SUPT3H: variants seen among roughly 807,000 people sequenced by gnomAD.
SUPT3H encodes transcription initiation protein SPT3 homolog.
In SUPT3H, 44 loss-of-function variants were observed where a neutral mutation model predicts 44.3. The ratio of observed to expected loss-of-function variants is 0.99; its 90% CI spans 0.78 to 1.28. The LOEUF (loss-of-function observed/expected upper bound fraction) is 1.28, where lower values mean the gene tolerates loss of function less well. Among genes scored for constraint, SUPT3H ranks in the 50% most tolerant of loss-of-function variants. The pLI is 0.00. For missense variants in SUPT3H, 380 were observed against 387.1 expected (o/e 0.98, Z 0.15); for synonymous variants, 124 against 125.6 (o/e 0.99, Z 0.09).
chr6:45,332,955 A>G (rs535847971), intron 2 of SUPT3H, among the ~76,000 whole-genome samples: 55 of 151,812 alleles, frequency 3.6e-4, no homozygotes, highest in South Asian at 2.5e-3. Context: ...CTGAAGATAG[A>G]TAAAATTCTG....
intron 2 of SUPT3H, among the ~76,000 whole-genome samples, chr6:45,141,746 C>G (rs933791292): frequency 6.6e-6 from 1 of 152,052 alleles, no homozygotes; most frequent in African/African-American, 2.4e-5. Flanking sequence ...AAATTGCCAA[C>G]AAAAACAAGT....
intron 2 of SUPT3H, chr6:45,158,839 A>C (rs928215137): frequency 1.4e-4 from 22 of 152,178 alleles, no homozygotes; most frequent in African/African-American, 5.3e-4. Flanking sequence ...ACACTCCACT[A>C]CTACTAGTCA....
intron 10 of SUPT3H, among the ~76,000 whole-genome samples, chr6:44,902,653 T>A (rs1219368911): frequency 6.6e-6 from 1 of 152,072 alleles, no homozygotes; most frequent in Admixed American, 6.5e-5. Flanking sequence ...TATCCAGGAA[T>A]TGAACTCAGC....
chr6:45,353,054 T>C lies in SUPT3H; in HGVS notation c.101+12147A>G, dbSNP rs1206067320. On this transcript the variant is annotated intron_variant, in intron 2 of 10. Transcript: ENST00000371459. ...CTGAGAAGTTCTTCAGAGTCTCTAA[T>C]AGTACAGTAGTTAACCGGCCCACTC... Among the ~76,000 whole-genome samples the C allele has an allele frequency of 2.6e-5, 4 of 152,192 alleles. No homozygotes were observed. The East Asian group carries it at 7.7e-4, about 29-fold the overall frequency.
At chr6:45,128,853 T>C (rs1267191109) in intron 2 of SUPT3H, among the ~76,000 whole-genome samples, 1 of 151,826 alleles carries the variant, frequency 6.6e-6, no homozygotes, top group African/African-American at 2.4e-5. Context: ...ACCTGACTAA[T>C]TTTTGTATTT....
At chr6:45,201,769 T>C (rs968751692) in intron 2 of SUPT3H, among the ~76,000 whole-genome samples, 3 of 151,904 alleles carry the variant, frequency 2.0e-5, no homozygotes, top group African/African-American at 7.2e-5. Context: ...CAGATAGCTG[T>C]GGACCCCATT....
chr6:44,928,882 C>CAAAATA (rs1491206167), intron 10 of SUPT3H, among the ~76,000 whole-genome samples: 33 of 20,646 alleles, frequency 1.6e-3, no homozygotes, highest in Admixed American at 2.5e-3. Context: ...GACTCCGTCT[C>CAAAATA]AAAAAAAAAA....
intron 10 of SUPT3H, among the ~76,000 whole-genome samples, chr6:44,892,280 T>A (rs768353663): frequency 7.9e-5 from 12 of 152,058 alleles, no homozygotes; most frequent in Non-Finnish European, 1.5e-4. Context: ...ACAGGATTGG[T>A]GGCTTTATAA....
At position 44,932,667 on chromosome 6, in the gene SUPT3H, G is replaced by A; in HGVS notation, c.898C>T (p.Leu300Phe). 1 of 1,607,168 alleles carries A rather than the reference G, an allele frequency of 6.2e-7. No homozygotes were observed. The highest frequency in any genetic ancestry group is 8.5e-7 in the Non-Finnish European group (1 of 1,176,892). ...TTATTACGTACTGTGAATGGGGAAA[G>A]TGGGCCAATCCTGTGGCTGTAGCGT... The part of the protein sequence containing the change: ...IRRYSHRIGP[L>F]SPFTNAYRRN... Residue 300 changes from leucine (L) to phenylalanine (F), a missense_variant, in exon 10 of 11, where the codon CTT (leucine) becomes TTT (phenylalanine). By Grantham distance (22) the Leu-to-Phe change is conservative. Coordinates refer to ENST00000371459, the MANE Select transcript of SUPT3H (RefSeq NM_003599.4).
intron 2 of SUPT3H, among the ~76,000 whole-genome samples, chr6:45,216,419 C>T (rs1765069265): frequency 6.6e-6 from 1 of 152,062 alleles, no homozygotes; most frequent in Non-Finnish European, 1.5e-5. Context: ...AAACAATTAA[C>T]AAAATGATAA....
intron 2 of SUPT3H, among the ~76,000 whole-genome samples, chr6:45,127,458 T>C (rs552654487): frequency 1.3e-5 from 2 of 152,218 alleles, no homozygotes; most frequent in Admixed American, 1.3e-4. Context: ...TAGGTATTAT[T>C]ACCTCTTCTT....
At chr6:44,852,761 G>T (rs925197234) in intron 10 of SUPT3H, among the ~76,000 whole-genome samples, 14 of 152,064 alleles carry the variant, frequency 9.2e-5, no homozygotes, top group African/African-American at 1.4e-4. Flanking sequence ...GCATACAAAA[G>T]GTCTTGCTCT....
At chr6:45,305,373 G>A (rs762996851) in intron 2 of SUPT3H, among the ~76,000 whole-genome samples, 1 of 152,098 alleles carries the variant, frequency 6.6e-6, no homozygotes, top group African/African-American at 2.4e-5. Flanking sequence ...TAAAATGAAT[G>A]GTCGTGTTTT....
At chr6:44,904,031 C>T (rs960252916) in intron 10 of SUPT3H, among the ~76,000 whole-genome samples, 1 of 152,166 alleles carries the variant, frequency 6.6e-6, no homozygotes, top group Non-Finnish European at 1.5e-5. Flanking sequence ...GGATGCATCT[C>T]AAAATAATAA....
intron 10 of SUPT3H, among the ~76,000 whole-genome samples, chr6:44,865,867 T>C (rs1272448923): frequency 6.6e-6 from 1 of 152,122 alleles, no homozygotes; most frequent in Non-Finnish European, 1.5e-5. Context: ...GTAACAATAA[T>C]AGTCATCTGC....
intron 10 of SUPT3H, among the ~76,000 whole-genome samples, chr6:44,894,972 T>G (rs1763892909): frequency 6.6e-6 from 1 of 151,938 alleles, no homozygotes; most frequent in Non-Finnish European, 1.5e-5. Context: ...TAAGAGTGCA[T>G]GAAGAGAAAT....
At chr6:44,970,018 T>A (rs557339635) in intron 6 of SUPT3H, among the ~76,000 whole-genome samples, 1 of 152,116 alleles carries the variant, frequency 6.6e-6, no homozygotes. Context: ...CAAAAAGATA[T>A]TTGTGCTACT....
intron 10 of SUPT3H, among the ~76,000 whole-genome samples, chr6:44,894,044 C>G (rs1308543384): frequency 7.3e-6 from 1 of 136,330 alleles, no homozygotes; most frequent in Non-Finnish European, 1.6e-5. Flanking sequence ...CTGTTCATGT[C>G]CTTCGCCCAC....
At chr6:45,168,121 C>T (rs1282799115) in intron 2 of SUPT3H, among the ~76,000 whole-genome samples, 4 of 151,716 alleles carry the variant, frequency 2.6e-5, no homozygotes, top group Admixed American at 6.6e-5. Flanking sequence ...AAGTTCACTT[C>T]TTACATCATA....
Sources: gnomAD v4.1 joint callset for allele counts (sites outside exome capture counted in the v4.1 genomes callset) on GRCh38, gnomAD v4.1.1 for gene constraint, MANE v1.5 for transcripts, NCBI Gene and HGNC (gene_info 2026-07-23, HGNC 2026-07-21) for gene names.